Variants in BMPR1B observed in about 807,000 individuals in gnomAD.
The protein encoded by BMPR1B is bone morphogenetic protein receptor type 1B, also known as bone morphogenetic protein receptor type-1B.
Under a neutral mutation model 59.1 loss-of-function variants are expected in BMPR1B, and 12 were observed. The observed-to-expected ratio is 0.20, with a 90% CI of 0.13 to 0.33. The LOEUF (loss-of-function observed/expected upper bound fraction) is 0.33. BMPR1B is among the 10% of genes least tolerant of loss of function. The probability of loss-of-function intolerance (pLI) is 1.00; values close to 1 mark genes in which losing one functional copy is unlikely to be tolerated. For synonymous variants in BMPR1B, 237 were observed against 207.3 expected (o/e 1.14, Z -1.23); for missense variants, 550 against 610.9 (o/e 0.90, Z 1.05).
chr4:94,942,348 C>A (rs1160658260), intron 2 of BMPR1B, among the ~76,000 whole-genome samples: 2 of 152,150 alleles, frequency 1.3e-5, no homozygotes, highest in Non-Finnish European at 2.9e-5. Context: ...TATATAATTT[C>A]TTTTGTATCT....
intron 11 of BMPR1B, among the ~76,000 whole-genome samples, chr4:95,149,655 G>A (rs780861835): frequency 7.9e-5 from 12 of 152,128 alleles, no homozygotes; most frequent in Admixed American, 7.2e-4. Context: ...CAACTCTTCT[G>A]TATGTTATTC....
chr4:94,876,669 C>T (rs979897161), intron 2 of BMPR1B, among the ~76,000 whole-genome samples: 3 of 152,156 alleles, frequency 2.0e-5, no homozygotes, highest in African/African-American at 7.2e-5. Context: ...ACCTCCTGAT[C>T]TTTACTTCAG....
intron 1 of BMPR1B, among the ~76,000 whole-genome samples, chr4:94,764,064 A>G (rs563866014): frequency 6.6e-6 from 1 of 152,186 alleles, no homozygotes; most frequent in East Asian, 1.9e-4. Flanking sequence ...CAATTTGTCA[A>G]GAGTTTCTTC....
intron 3 of BMPR1B, among the ~76,000 whole-genome samples, chr4:95,057,401 C>T (rs1579004313): frequency 1.3e-5 from 2 of 152,204 alleles, no homozygotes; most frequent in South Asian, 4.1e-4. Context: ...CACGCCACCA[C>T]GCCCAGCTAT....
intron 2 of BMPR1B, among the ~76,000 whole-genome samples, chr4:94,953,831 G>C (rs1185781609): frequency 6.6e-6 from 1 of 152,096 alleles, no homozygotes. Flanking sequence ...AGTTCTCCTG[G>C]ATAATATCCT....
At chr4:94,839,412 A>G (rs1428234622) in intron 1 of BMPR1B, among the ~76,000 whole-genome samples, 4 of 146,360 alleles carry the variant, frequency 2.7e-5, no homozygotes, top group Non-Finnish European at 6.1e-5. Context: ...TTTGTAGGTC[A>G]CTCAGGACTT....
intron 12 of BMPR1B, among the ~76,000 whole-genome samples, 190 bp from the exon 13 acceptor site, chr4:95,154,358 A>G (rs1467806529): frequency 6.6e-6 from 1 of 152,252 alleles, no homozygotes; most frequent in Non-Finnish European, 1.5e-5. Context: ...ATCACAAAGA[A>G]GACATGAACA....
chr4:94,797,001 C>T (rs1425108328), intron 1 of BMPR1B, among the ~76,000 whole-genome samples: 1 of 152,104 alleles, frequency 6.6e-6, no homozygotes, highest in African/African-American at 2.4e-5. Flanking sequence ...TTTCATGCTG[C>T]TGATAAAGAC....
intron 1 of BMPR1B, among the ~76,000 whole-genome samples, chr4:94,830,687 TC>T (rs1724550066): frequency 6.6e-6 from 1 of 152,180 alleles, no homozygotes; most frequent in Admixed American, 6.5e-5. Context: ...GGAAATACAG[TC>T]ATGTGCAATA....
chr4:94,960,306 A>G (rs1179204632), intron 2 of BMPR1B, among the ~76,000 whole-genome samples: 1 of 152,078 alleles, frequency 6.6e-6, no homozygotes, highest in Non-Finnish European at 1.5e-5. Flanking sequence ...CACAGCATAA[A>G]TCTCCTGTAT....
intron 2 of BMPR1B, among the ~76,000 whole-genome samples, chr4:94,982,012 G>A (rs913987595): frequency 1.3e-5 from 2 of 152,166 alleles, no homozygotes; most frequent in African/African-American, 4.8e-5. Context: ...AAAGAATAAT[G>A]TAAGCAAAAT....
intron 3 of BMPR1B, among the ~76,000 whole-genome samples, chr4:95,040,468 T>C (rs1436779733): frequency 6.6e-6 from 1 of 152,216 alleles, no homozygotes; most frequent in African/African-American, 2.4e-5. Flanking sequence ...GCAATCCTTT[T>C]TAAGAAATTG....
Position 95,104,510 on chromosome 4 carries a change from T to C in BMPR1B, c.86T>C (p.Val29Ala). 1.2e-6 allele frequency: 2 copies of C among 1,613,106 alleles called. No individual in the cohort carries two copies. The highest frequency in any genetic ancestry group is 1.7e-6 in the Non-Finnish European group (2 of 1,179,516). Residue 29 changes from valine to alanine, a missense_variant, in exon 4 of 13, where the codon GTC becomes GCC. Around this residue, in one of 6 missense-constraint regions of BMPR1B, gnomAD observed 43 missense variants for 35.4 expected, o/e 1.22. Transcript: ENST00000515059. ...ESTAPTPRPK[V>A]LRCKCHHHCP... ...ACAGCCCCCACCCCCCGTCCAAAGG[T>C]CTTGCGTTGTAAATGCCACCACCAT...
intron 8 of BMPR1B, 148 bp from the exon 9 acceptor site, chr4:95,129,714 A>T (rs1212800162): frequency 1.4e-6 from 1 of 711,336 alleles, no homozygotes; most frequent in Non-Finnish European, 2.3e-6. Flanking sequence ...ATAAATTAAT[A>T]AATAAATACA....
chr4:95,044,874 T>A (rs1264343686), intron 3 of BMPR1B, among the ~76,000 whole-genome samples: 1 of 151,642 alleles, frequency 6.6e-6, no homozygotes, highest in African/African-American at 2.4e-5. Context: ...CTATTGTTAG[T>A]TTTTTTTTCT....
Position 95,155,137 on chromosome 4 carries a change from G to C in BMPR1B, c.*464G>C. On this transcript the variant is annotated 3_prime_UTR_variant, in exon 13 of 13. Transcript: ENST00000515059. The stretch of plus-strand genomic sequence containing the variant: ...TTGGTAAAATATTGTTGCACTCTGT[G>C]AACCAAAAGACAGTCTAAGTTGGAG... 1 of 178,758 alleles carries C rather than the reference G, an allele frequency of 5.6e-6. No homozygotes were observed. 11.1% of individuals were successfully genotyped at this position (178,758 alleles called of 1,614,324 possible).
intron 1 of BMPR1B, among the ~76,000 whole-genome samples, chr4:94,787,862 A>G (rs1343722735): frequency 6.6e-6 from 1 of 152,192 alleles, no homozygotes; most frequent in African/African-American, 2.4e-5. Context: ...ACTGGAACTC[A>G]TGATCACAAG....
chr4:94,796,046 C>G (rs1452085716), intron 1 of BMPR1B, among the ~76,000 whole-genome samples: 1 of 151,412 alleles, frequency 6.6e-6, no homozygotes, highest in Non-Finnish European at 1.5e-5. Context: ...CTTACTGCAA[C>G]CTCTACCTCC....
intron 3 of BMPR1B, among the ~76,000 whole-genome samples, chr4:95,021,089 A>G (rs954938280): frequency 3.3e-5 from 5 of 152,212 alleles, no homozygotes; most frequent in Admixed American, 6.5e-5. Context: ...AAATAGTCAT[A>G]TATGGGCATG....
Sources: gnomAD v4.1 joint callset for allele counts (sites outside exome capture counted in the v4.1 genomes callset) on GRCh38, gnomAD v4.1.1 for gene constraint, gnomAD v4.1.1 regional missense constraint, MANE v1.5 for transcripts, NCBI Gene and HGNC (gene_info 2026-07-23, HGNC 2026-07-21) for gene names.